UNC80: variants seen among roughly 807,000 people sequenced by gnomAD.
UNC80 encodes protein unc-80 homolog.
In UNC80, 164 loss-of-function variants were observed where a neutral mutation model predicts 384.6. The ratio of observed to expected loss-of-function variants is 0.43; its 90% CI spans 0.38 to 0.49. The LOEUF (loss-of-function observed/expected upper bound fraction) is 0.49, where lower values mean the gene tolerates loss of function less well. UNC80 is among the 20% of genes least tolerant of loss of function. UNC80 has a pLI of 0.00. For missense variants in UNC80, 3,330 were observed against 4,143.0 expected (o/e 0.80, Z 5.39); for synonymous variants, 1,486 against 1,527.8 (o/e 0.97, Z 0.64).
chr2:209,939,632 C>G lies in UNC80; in HGVS notation c.6626C>G (p.Ser2209Ter). 1 of 1,551,050 alleles carries G rather than the reference C, an allele frequency of 6.4e-7. No homozygotes were observed. The highest frequency in any genetic ancestry group is 8.7e-7 in the Non-Finnish European group (1 of 1,146,432). Residue 2209 changes from serine to a stop codon, truncating the protein, a stop_gained, in exon 43 of 65, where the codon TCA becomes TGA. Coordinates refer to ENST00000673920, the MANE Select transcript of UNC80 (RefSeq NM_001371986.1). LOFTEE classifies it high-confidence loss of function. ...FPRSAIDAEF[S>*]LFSDPQAGKE... ...CGTAGTGCTATTGATGCTGAGTTTT[C>G]ACTCTTCAGTGATCCTCAAGGTATC...
chr2:209,948,290 C>T (rs1364237893), intron 47 of UNC80, among the ~76,000 whole-genome samples: 2 of 152,066 alleles, frequency 1.3e-5, no homozygotes, highest in East Asian at 3.9e-4. Context: ...TCATTCCCAC[C>T]AACAGTATGT....
intron 45 of UNC80, 80 bp from the exon 46 acceptor site, chr2:209,944,971 T>C: frequency 6.8e-7 from 1 of 1,468,482 alleles, no homozygotes; most frequent in East Asian, 2.5e-5. Context: ...GGTAATAGCA[T>C]TTATAAAATT....
intron 7 of UNC80, among the ~76,000 whole-genome samples, chr2:209,812,162 GC>G (rs1482931147): frequency 6.6e-6 from 1 of 151,730 alleles, no homozygotes; most frequent in Admixed American, 6.6e-5. Context: ...CCATTCTCCT[GC>G]CTCAGCCTCC....
chr2:209,883,309 A>G (rs1341818398), intron 25 of UNC80, among the ~76,000 whole-genome samples: 1 of 152,100 alleles, frequency 6.6e-6, no homozygotes, highest in African/African-American at 2.4e-5. Flanking sequence ...GACTGTAGCT[A>G]TAATGTTGAA....
At chr2:209,907,273 G>A (rs756935731) in intron 29 of UNC80, among the ~76,000 whole-genome samples, 10 of 141,464 alleles carry the variant, frequency 7.1e-5, no homozygotes, top group South Asian at 2.2e-4. Flanking sequence ...CATACTTTGC[G>A]CTGGGTACAA....
intron 36 of UNC80, among the ~76,000 whole-genome samples, chr2:209,928,089 A>C (rs2090572279): frequency 6.6e-6 from 1 of 152,180 alleles, no homozygotes; most frequent in African/African-American, 2.4e-5. Context: ...TAATCCCAGC[A>C]CTTTGGAAGG....
At position 209,872,445 on chromosome 2, in the gene UNC80, C is replaced by T. The variant is rs1000677417; in HGVS notation, c.3628-313C>T. Reference sequence around the variant, plus strand: ...AAGCTCTTTCACTCTACACTCAAATCGCTGTCACCCTTAAATATACAAAGT... The same window carrying T: ...AAGCTCTTTCACTCTACACTCAAATTGCTGTCACCCTTAAATATACAAAGT... On this transcript the variant is annotated intron_variant, in intron 22 of 64. Transcript: ENST00000673920. This position sits in a 1 kb window ranked among gnomAD's most constrained non-coding sequence, Gnocchi z 4.1. 3.9e-5 allele frequency among the ~76,000 whole-genome samples: 6 copies of T among 152,146 alleles called. No homozygotes were observed. Among genetic ancestry groups the T allele is most frequent in the East Asian group, 1.9e-4 (1 of 5,190 alleles).
chr2:209,872,801 C>T lies in UNC80; in HGVS notation c.3671C>T (p.Ala1224Val). 6.4e-7 allele frequency: 1 copy of T among 1,551,472 alleles called. No homozygotes were observed. The highest frequency in any genetic ancestry group is 8.7e-7 in the Non-Finnish European group (1 of 1,146,826). Residue 1224 changes from alanine to valine, a missense_variant, in exon 23 of 65, where the codon GCT becomes GTT. Physicochemically the swap from Ala to Val is moderately conservative, Grantham distance 64. Around this residue, in one of 8 missense-constraint regions of UNC80, gnomAD observed 801 missense variants for 950.8 expected, o/e 0.84. Coordinates refer to ENST00000673920, the MANE Select transcript of UNC80 (RefSeq NM_001371986.1). The surrounding 1 kb of genome is among the most constrained non-coding windows in gnomAD (Gnocchi z 4.1). ...AGAGCAGCCTTGTTCCTGGAATGTG[C>T]TCGTTTTGTTCACCGCTGCAACCGT... ...VARAALFLEC[A>V]RFVHRCNRGN...
chr2:209,935,136 C>G (rs1457800432), intron 39 of UNC80, among the ~76,000 whole-genome samples: 1 of 152,156 alleles, frequency 6.6e-6, no homozygotes, highest in African/African-American at 2.4e-5. Context: ...GTCACCTCAT[C>G]TAGAAAACAG....
At chr2:209,792,991 T>A (rs2077920134) in intron 6 of UNC80, among the ~76,000 whole-genome samples, 1 of 152,214 alleles carries the variant, frequency 6.6e-6, no homozygotes, top group Non-Finnish European at 1.5e-5. Flanking sequence ...TGTATTTATC[T>A]CTCTGTCCAT....
At position 209,856,708 on chromosome 2, in the gene UNC80, G is replaced by A. The variant is rs150071403; in HGVS notation, c.3627+7085G>A. 3.6e-3 allele frequency among the ~76,000 whole-genome samples: 545 copies of A among 152,038 alleles called. 2 individuals carry two copies. Among genetic ancestry groups the A allele is most frequent in the Non-Finnish European group, 5.7e-3 (390 of 67,974 alleles). ...ATGTGCATTTCCATCTTAATCAAATGTCAGGTGTCCTTATAAGCATGATGT... is the reference window on the plus strand; with the variant it reads ...ATGTGCATTTCCATCTTAATCAAATATCAGGTGTCCTTATAAGCATGATGT... On this transcript the variant is annotated intron_variant, in intron 22 of 64. Coordinates refer to ENST00000673920, the MANE Select transcript of UNC80 (RefSeq NM_001371986.1).
intron 36 of UNC80, 79 bp downstream of exon 36, chr2:209,927,065 CA>C: frequency 8.9e-6 from 13 of 1,456,164 alleles, no homozygotes; most frequent in Non-Finnish European, 1.2e-5. Context: ...TGCTCTTAAA[CA>C]CATTATCTAC....
intron 3 of UNC80, 127 bp from the exon 4 acceptor site, chr2:209,777,131 A>T: frequency 1.8e-6 from 2 of 1,089,728 alleles, no homozygotes. Flanking sequence ...AGCAAGAATG[A>T]GCCCTGCTAG....
At position 209,982,295 on chromosome 2, in the gene UNC80, G is replaced by A. The variant is rs543480945; in HGVS notation, c.9235G>A (p.Val3079Met). 2.6e-6 allele frequency: 4 copies of A among 1,551,412 alleles called. No homozygotes were observed. Among genetic ancestry groups the A allele is most frequent in the Non-Finnish European group, 2.6e-6 (3 of 1,146,866 alleles). Residue 3079 changes from valine (V) to methionine (M), a missense_variant, in exon 60 of 65, where the codon GTG becomes ATG. Around this residue, in one of 8 missense-constraint regions of UNC80, gnomAD observed 216 missense variants for 245.3 expected, o/e 0.88. Transcript: ENST00000673920. ...CAGCATGTCTGTACCTCAGGCTGAG[G>A]TGGGCATGCTACCCAGCCAGAGGTA... is the stretch of plus-strand genomic sequence containing the variant. The part of the protein sequence containing the change: ...VSSMSVPQAE[V>M]GMLPSQSEPN...
At chr2:209,892,622 C>T (rs1362368934) in intron 26 of UNC80, among the ~76,000 whole-genome samples, 1 of 152,046 alleles carries the variant, frequency 6.6e-6, no homozygotes, top group East Asian at 1.9e-4. Context: ...TAAAATTGGG[C>T]AAAGAATATT....
intron 33 of UNC80, among the ~76,000 whole-genome samples, chr2:209,920,510 ATCT>A (rs2089949232): frequency 6.6e-6 from 1 of 152,212 alleles, no homozygotes; most frequent in Non-Finnish European, 1.5e-5. Flanking sequence ...TGTACAGTGA[ATCT>A]TCTTTTCTTC....
intron 21 of UNC80, among the ~76,000 whole-genome samples, chr2:209,848,954 T>A (rs2082338037): frequency 6.6e-6 from 1 of 152,128 alleles, no homozygotes; most frequent in Admixed American, 6.6e-5. Context: ...AGTGATTCTT[T>A]GCACTGTAAC....
At chr2:209,793,673 CA>C (rs777075144) in intron 6 of UNC80, 46 bp from the exon 7 acceptor site, 1 of 1,600,564 alleles carries the variant, frequency 6.2e-7, no homozygotes, top group African/African-American at 1.3e-5. Context: ...CAGGGGAAAA[CA>C]AAAAACAAAA....
intron 28 of UNC80, among the ~76,000 whole-genome samples, chr2:209,903,693 T>C (rs1405145423): frequency 7.3e-6 from 1 of 137,494 alleles, no homozygotes; most frequent in African/African-American, 2.7e-5. Flanking sequence ...AGAGGGGGAA[T>C]GTATTAATTT....
Sources: gnomAD v4.1 joint callset for allele counts (sites outside exome capture counted in the v4.1 genomes callset) on GRCh38, gnomAD v4.1.1 for gene constraint, gnomAD v4.1.1 regional missense constraint, Gnocchi (gnomAD v3.1) non-coding constraint, MANE v1.5 for transcripts, NCBI Gene and HGNC (gene_info 2026-07-23, HGNC 2026-07-21) for gene names.